The following GNAT1 variants were observed in gnomAD, a reference collection of about 807,000 sequenced individuals.
The protein encoded by GNAT1 is G protein subunit alpha transducin 1.
Under a neutral mutation model 40.0 loss-of-function variants are expected in GNAT1, and 36 were observed. That is an observed-to-expected ratio of 0.90 (90% CI 0.69 to 1.19). The LOEUF is 1.19. Ranked by LOEUF, GNAT1 falls within the 50% of genes most tolerant of loss-of-function variation. GNAT1 has a pLI of 0.00. For synonymous variants in GNAT1, 195 were observed against 192.9 expected (o/e 1.01, Z -0.09); for missense variants, 413 against 480.6 (o/e 0.86, Z 1.32).
Position 50,197,421 on chromosome 3 carries a change from TC to T in GNAT1, c.*2157del, listed in dbSNP as rs1699519048. Among the ~76,000 whole-genome samples the T allele has an allele frequency of 6.6e-6, 1 of 152,176 alleles. No homozygotes were observed. Among genetic ancestry groups the T allele is most frequent in the African/African-American group, 2.4e-5 (1 of 41,434 alleles). On this transcript the variant is annotated 3_prime_UTR_variant, in exon 9 of 9. Coordinates refer to ENST00000232461, the MANE Select transcript of GNAT1 (RefSeq NM_144499.3). Reference sequence around the variant, plus strand: ...GCTCCTGGCATCCACCATTCTACTTTCCATCTCTATGAATGTGACTGCTCTA... The same window carrying T: ...GCTCCTGGCATCCACCATTCTACTTTCATCTCTATGAATGTGACTGCTCTA...
rs750705045 is a variant in GNAT1 at position 50,193,446 on chromosome 3, G to A, written c.291+40G>A. 2.5e-6 allele frequency: 4 copies of A among 1,611,508 alleles called. No homozygotes were observed. The highest frequency in any genetic ancestry group is 1.7e-5 in the Admixed American group (1 of 59,836). ...GGGCTGAGCGGGCCTCTGGGGACTC[G>A]AGGCTCGCGGCTGGGCCCGAGTCCC... On this transcript the variant is annotated intron_variant, in intron 3 of 8. Coordinates refer to ENST00000232461, the MANE Select transcript of GNAT1 (RefSeq NM_144499.3). The surrounding 1 kb of genome is among the most constrained non-coding windows in gnomAD (Gnocchi z 8.1).
intron 1 of GNAT1, 156 bp from the exon 2 acceptor site, chr3:50,192,977 A>T: frequency 4.3e-6 from 3 of 698,198 alleles, no homozygotes; most frequent in South Asian, 3.2e-5. Flanking sequence ...CTTAATTTGG[A>T]TGGGGGGGTA....
Position 50,195,359 on chromosome 3 carries a change from G to A in GNAT1, c.*93G>A, listed in dbSNP as rs1699485455. On this transcript the variant is annotated 3_prime_UTR_variant, in exon 9 of 9. Transcript: ENST00000232461. The stretch of plus-strand genomic sequence containing the variant: ...CCCCAGGACCCTATCAGCCCCCTGG[G>A]ACTCCCTGGCCCCAACCTGCCACCT... 2 of 297,494 alleles carry A rather than the reference G, an allele frequency of 6.7e-6. No individual in the cohort carries two copies. Among genetic ancestry groups the A allele is most frequent in the Non-Finnish European group, 1.3e-5 (2 of 152,770 alleles). 18.4% of individuals were successfully genotyped at this position (297,494 alleles called of 1,614,324 possible).
Position 50,193,670 on chromosome 3 carries a change from G to T in GNAT1, c.449+7G>T. 1.2e-6 allele frequency: 2 copies of T among 1,609,756 alleles called. No individual in the cohort carries two copies. The highest frequency in any genetic ancestry group is 1.7e-6 in the Non-Finnish European group (2 of 1,178,750). On this transcript the variant is annotated splice_region_variant and intron_variant, in intron 4 of 8. Coordinates refer to ENST00000232461, the MANE Select transcript of GNAT1 (RefSeq NM_144499.3). This position sits in a 1 kb window ranked among gnomAD's most constrained non-coding sequence, Gnocchi z 8.1. ...TCAACGACTCGGCGGGCTAGTGAGC[G>T]CGCGGGCAGCGCGGGGCGCGGGGCG...
At position 50,194,563 on chromosome 3, in the gene GNAT1, G is replaced by A. The variant is rs77808554; in HGVS notation, c.771G>A (p.Thr257=). The change falls in exon 7 of 9, where the codon ACG becomes ACA. Residue 257 remains threonine, a synonymous_variant. Transcript: ENST00000232461. This position sits in a 1 kb window ranked among gnomAD's most constrained non-coding sequence, Gnocchi z 6.1. ...NSICNHRYFA[T]TSIVLFLNKK... is the part of the protein sequence containing the mutation. The stretch of plus-strand genomic sequence containing the variant: ...TCTGCAACCACCGCTACTTCGCCAC[G>A]ACGTCCATCGTGCTCTTCCTTAACA... 2.5e-6 allele frequency: 4 copies of A among 1,613,660 alleles called. No homozygotes were observed. The highest frequency in any genetic ancestry group is 3.4e-6 in the Non-Finnish European group (4 of 1,179,720).
intron 1 of GNAT1, chr3:50,192,807 G>A: frequency 2.0e-6 from 1 of 507,834 alleles, no homozygotes; most frequent in Non-Finnish European, 3.6e-6. Flanking sequence ...GACGCTCCGG[G>A]ATTTCTTCAT....
At position 50,193,203 on chromosome 3, in the gene GNAT1, C is replaced by T. The variant is rs1370068957; in HGVS notation, c.149+28C>T. On this transcript the variant is annotated intron_variant, in intron 2 of 8. Coordinates refer to ENST00000232461, the MANE Select transcript of GNAT1 (RefSeq NM_144499.3). The surrounding 1 kb of genome is among the most constrained non-coding windows in gnomAD (Gnocchi z 8.1). ...GAGTGCCCCTGCCTGTCCCGAGGCC[C>T]CTGGGTCTGGGTCCTTCCCCACTTC... 2 of 1,613,942 alleles carry T rather than the reference C, an allele frequency of 1.2e-6. No individual in the cohort carries two copies. Among genetic ancestry groups the T allele is most frequent in the South Asian group, 1.1e-5 (1 of 91,072 alleles).
Position 50,194,949 on chromosome 3 carries a change from C to T in GNAT1, c.1047C>T (p.Leu349=), listed in dbSNP as rs1699480561. Reference sequence around the variant, plus strand: ...AGGAGAACCTCAAAGACTGTGGCCTCTTCTGAGGTAGGTCGCTGCCCTCTC... The same window carrying T: ...AGGAGAACCTCAAAGACTGTGGCCTTTTCTGAGGTAGGTCGCTGCCCTCTC... ...IIKENLKDCG[L]F Residue 349 remains leucine, a synonymous_variant, in exon 8 of 9, where the codon CTC becomes CTT. Transcript: ENST00000232461. The surrounding 1 kb of genome is among the most constrained non-coding windows in gnomAD (Gnocchi z 6.1). The T allele has an allele frequency of 6.2e-7, 1 of 1,611,506 alleles. No homozygotes were observed. The highest frequency in any genetic ancestry group is 1.3e-5 in the African/African-American group (1 of 74,972).
chr3:50,194,386 G>A lies in GNAT1; in HGVS notation c.709-115G>A. The A allele has an allele frequency of 5.0e-6, 7 of 1,410,868 alleles. No individual in the cohort carries two copies. The highest frequency in any genetic ancestry group is 6.8e-6 in the Non-Finnish European group (7 of 1,022,998). The allele number at this position is 1,410,868 out of a possible 1,614,324, so 87.4% of individuals were successfully genotyped here. On this transcript the variant is annotated intron_variant, in intron 6 of 8. Coordinates refer to ENST00000232461, the MANE Select transcript of GNAT1 (RefSeq NM_144499.3). The surrounding 1 kb of genome is among the most constrained non-coding windows in gnomAD (Gnocchi z 6.1). ...TCAGCAGGCCCATCTGGGGCAGTGC[G>A]GGGAGCCCTCTGAGAGCCAGCTGAG...
At position 50,191,661 on chromosome 3, in the gene GNAT1, C is replaced by G. The variant is rs899093846; in HGVS notation, c.-65C>G. On this transcript the variant is annotated 5_prime_UTR_variant, in exon 1 of 9. Coordinates refer to ENST00000232461, the MANE Select transcript of GNAT1 (RefSeq NM_144499.3). Reference sequence around the variant, plus strand: ...AGAAGGGTGCCTGGGAGGCCAGGTTCTGGGGATCCCCTCCATCCAGAAGAA... The same window carrying G: ...AGAAGGGTGCCTGGGAGGCCAGGTTGTGGGGATCCCCTCCATCCAGAAGAA... The G allele has an allele frequency of 2.4e-6, 3 of 1,239,688 alleles. No individual in the cohort carries two copies. Among genetic ancestry groups the G allele is most frequent in the African/African-American group, 3.0e-5 (2 of 67,732 alleles). The allele number at this position is 1,239,688 out of a possible 1,614,324, so 76.8% of individuals were successfully genotyped here.
chr3:50,195,429 C>G lies in GNAT1; in HGVS notation c.*163C>G. The G allele has an allele frequency of 4.6e-6, 1 of 219,102 alleles. No individual in the cohort carries two copies. The highest frequency in any genetic ancestry group is 1.1e-4 in the East Asian group (1 of 8,982). 13.6% of individuals were successfully genotyped at this position (219,102 alleles called of 1,614,324 possible). A position where few individuals can be genotyped will look rare whatever the true frequency, so the allele number is the denominator to read the frequency against. ...GCTAGCCTTGAGGCGCGGACCCTCC[C>G]CCATACCTCCCACAGTATCCCAGCG... On this transcript the variant is annotated 3_prime_UTR_variant, in exon 9 of 9. Transcript: ENST00000232461.
rs963964049 is a variant in GNAT1, at chr3:50,197,133, C to T, written c.*1867C>T. Reference sequence around the variant, plus strand: ...AATCCAACAGAGGATCAAACAGAGGCATGCTAAGATATATTGGGGCTTGAA... The same window carrying T: ...AATCCAACAGAGGATCAAACAGAGGTATGCTAAGATATATTGGGGCTTGAA... On this transcript the variant is annotated 3_prime_UTR_variant, in exon 9 of 9. Coordinates refer to ENST00000232461, the MANE Select transcript of GNAT1 (RefSeq NM_144499.3). Among the ~76,000 whole-genome samples, 1 of 152,154 alleles carries T rather than the reference C, an allele frequency of 6.6e-6. No individual in the cohort carries two copies. The highest frequency in any genetic ancestry group is 2.4e-5 in the African/African-American group (1 of 41,412).
At chr3:50,195,195 G>GC (rs1349569246) in intron 8 of GNAT1, 73 bp from the exon 9 acceptor site, 16 of 579,200 alleles carry the variant, frequency 2.8e-5, no homozygotes, top group Admixed American at 2.2e-4. Context: ...TTCCAGGGCC[G>GC]CCCCACCACA....
rs900675472 is a variant in GNAT1 at position 50,196,207 on chromosome 3, C to T, written c.*941C>T. Reference sequence around the variant, plus strand: ...CCCTGGCTGTGCCCAAAAGGGTCTACCTCAGGTGGGGTTACAAGCAAACCT... The same window carrying T: ...CCCTGGCTGTGCCCAAAAGGGTCTATCTCAGGTGGGGTTACAAGCAAACCT... On this transcript the variant is annotated 3_prime_UTR_variant, in exon 9 of 9. Coordinates refer to ENST00000232461, the MANE Select transcript of GNAT1 (RefSeq NM_144499.3). 2 of 152,296 alleles carry T rather than the reference C, an allele frequency of 1.3e-5. No individual in the cohort carries two copies. The highest frequency in any genetic ancestry group is 2.9e-5 in the Non-Finnish European group (2 of 68,088). The allele number at this position is 152,296 out of a possible 1,614,324, so 9.4% of individuals were successfully genotyped here. A position where few individuals can be genotyped will look rare whatever the true frequency, so the allele number is the denominator to read the frequency against.
In GNAT1 at chr3:50,193,744, C is replaced by T; in HGVS notation, c.450-9C>T. ...CCTCCCCACCCACCTACGGCCGGGTCTCGCGCAGCTACCTCTCCGACCTGG... is the reference window on the plus strand; with the variant it reads ...CCTCCCCACCCACCTACGGCCGGGTTTCGCGCAGCTACCTCTCCGACCTGG... On this transcript the variant is annotated splice_polypyrimidine_tract_variant and intron_variant, in intron 4 of 8. Transcript: ENST00000232461. The surrounding 1 kb of genome is among the most constrained non-coding windows in gnomAD (Gnocchi z 8.1). 1.2e-6 allele frequency: 2 copies of T among 1,606,894 alleles called. No individual in the cohort carries two copies. Among genetic ancestry groups the T allele is most frequent in the Non-Finnish European group, 1.7e-6 (2 of 1,177,460 alleles).
rs554301590 is a variant in GNAT1, at chr3:50,195,271, C to T, written c.*5C>T. 3.6e-4 allele frequency: 159 copies of T among 443,384 alleles called. No homozygotes were observed. Among genetic ancestry groups the T allele is most frequent in the Non-Finnish European group, 5.5e-4 (132 of 238,144 alleles). The allele number at this position is 443,384 out of a possible 1,614,324, so 27.5% of individuals were successfully genotyped here. The stretch of plus-strand genomic sequence containing the variant: ...TGACTGGGTTTCCTTTTCACAGGTG[C>T]CTGAATTCATGCGTGTCAGTCACCC... On this transcript the variant is annotated 3_prime_UTR_variant, in exon 9 of 9. Transcript: ENST00000232461.
chr3:50,194,735 T>A lies in GNAT1; in HGVS notation c.863-30T>A. The A allele has an allele frequency of 6.2e-7, 1 of 1,612,112 alleles. No homozygotes were observed. Among genetic ancestry groups the A allele is most frequent in the African/African-American group, 1.3e-5 (1 of 74,842 alleles). On this transcript the variant is annotated intron_variant, in intron 7 of 8. Transcript: ENST00000232461. This position sits in a 1 kb window ranked among gnomAD's most constrained non-coding sequence, Gnocchi z 6.1. ...ACCCCCCGCACGGGGAAGGAAGGGC[T>A]GAGCAGAGTGAGAGCTCCCGCCCCC...
chr3:50,195,068 C>A (rs1412174618), intron 8 of GNAT1, 112 bp downstream of exon 8: 1 of 771,228 alleles, frequency 1.3e-6, no homozygotes, highest in African/African-American at 1.7e-5. Flanking sequence ...CCTACTGCCT[C>A]CAGGCCCCAC....
At chr3:50,191,958 G>A in intron 1 of GNAT1, 127 bp downstream of exon 1, 1 of 690,046 alleles carries the variant, frequency 1.4e-6, no homozygotes. Flanking sequence ...TAGGGCACAG[G>A]GTGGGAGCCC....
Sources: allele counts gnomAD v4.1 joint callset (sites outside exome capture counted in the v4.1 genomes callset), GRCh38; gene constraint gnomAD v4.1.1; non-coding constraint Gnocchi (gnomAD v3.1); transcripts MANE v1.5; gene names NCBI Gene and HGNC (gene_info 2026-07-23, HGNC 2026-07-21).